Variants in SH3PXD2A observed in about 807,000 individuals in gnomAD.
SH3PXD2A encodes SH3 and PX domain-containing protein 2A.
Under a neutral mutation model 115.2 loss-of-function variants are expected in SH3PXD2A, and 32 were observed. The ratio of observed to expected loss-of-function variants is 0.28; its 90% CI spans 0.21 to 0.37. The LOEUF is 0.37. Among genes scored for constraint, SH3PXD2A ranks in the 10% least tolerant of loss-of-function variants. SH3PXD2A has a pLI of 1.00. For synonymous variants in SH3PXD2A, 610 were observed against 629.1 expected (o/e 0.97, Z 0.45); for missense variants, 1,328 against 1,498.7 (o/e 0.89, Z 1.88).
intron 4 of SH3PXD2A, among the ~76,000 whole-genome samples, chr10:103,730,050 AGACT>A (rs2038295764): frequency 6.6e-6 from 1 of 152,182 alleles, no homozygotes; most frequent in Non-Finnish European, 1.5e-5. Flanking sequence ...GGGCCCCGGC[AGACT>A]GTGCTCAGGC....
chr10:103,833,939 T>C (rs2039505895), intron 1 of SH3PXD2A, among the ~76,000 whole-genome samples: 1 of 152,154 alleles, frequency 6.6e-6, no homozygotes, highest in Admixed American at 6.5e-5. Flanking sequence ...TTTTTGTCTG[T>C]CTCTCCCCTC....
intron 5 of SH3PXD2A, among the ~76,000 whole-genome samples, chr10:103,709,314 C>G (rs1352497038): frequency 6.6e-6 from 1 of 152,164 alleles, no homozygotes; most frequent in African/African-American, 2.4e-5. Context: ...TGGTGCTAAT[C>G]CAGTTTCTCT....
chr10:103,808,260 T>C (rs984071939), intron 1 of SH3PXD2A, among the ~76,000 whole-genome samples: 1 of 148,170 alleles, frequency 6.7e-6, no homozygotes, highest in African/African-American at 2.5e-5. Flanking sequence ...TTTTTTTTCT[T>C]TTTTTTTTTG....
At chr10:103,829,065 T>A (rs1443595967) in intron 1 of SH3PXD2A, among the ~76,000 whole-genome samples, 2 of 152,218 alleles carry the variant, frequency 1.3e-5, no homozygotes, top group Non-Finnish European at 2.9e-5. Context: ...GCTGCTGGGT[T>A]CTTATTTTCT....
chr10:103,717,609 C>G (rs995567157), intron 5 of SH3PXD2A, among the ~76,000 whole-genome samples: 3 of 152,200 alleles, frequency 2.0e-5, no homozygotes, highest in African/African-American at 7.2e-5. Flanking sequence ...CTTTCTCCCA[C>G]CAGAACTGCA....
chr10:103,701,114 GCCATCCATCA>G (rs2037892164), intron 5 of SH3PXD2A, among the ~76,000 whole-genome samples: 1 of 55,776 alleles, frequency 1.8e-5, no homozygotes, highest in Non-Finnish European at 3.4e-5. Flanking sequence ...CTACCATCCA[GCCATCCATCA>G]TCCATCCATC....
At chr10:103,776,068 C>T (rs1335708835) in intron 2 of SH3PXD2A, among the ~76,000 whole-genome samples, 1 of 152,172 alleles carries the variant, frequency 6.6e-6, no homozygotes, top group Non-Finnish European at 1.5e-5. Flanking sequence ...TTATCTGGCT[C>T]ATGGCCCCTT....
At chr10:103,674,114 T>G (rs1248064156) in intron 6 of SH3PXD2A, among the ~76,000 whole-genome samples, 1 of 152,206 alleles carries the variant, frequency 6.6e-6, no homozygotes, top group Non-Finnish European at 1.5e-5. Context: ...AACTAAACTT[T>G]GTACAGGGCT....
intron 6 of SH3PXD2A, among the ~76,000 whole-genome samples, chr10:103,679,381 C>T (rs1254008486): frequency 3.3e-5 from 5 of 152,336 alleles, no homozygotes; most frequent in Non-Finnish European, 5.9e-5. Flanking sequence ...GAAGGAGCCA[C>T]CTCATCCCAG....
intron 2 of SH3PXD2A, among the ~76,000 whole-genome samples, chr10:103,796,826 G>A (rs2039094276): frequency 6.7e-6 from 1 of 150,308 alleles, no homozygotes; most frequent in African/African-American, 2.4e-5. Context: ...ACGTTTTTTA[G>A]TGTAAGTATA....
At chr10:103,678,477 C>T (rs766529612) in intron 6 of SH3PXD2A, among the ~76,000 whole-genome samples, 3 of 152,206 alleles carry the variant, frequency 2.0e-5, no homozygotes, top group Non-Finnish European at 4.4e-5. Context: ...CACAGCTCGG[C>T]GGCTCTGTCT....
chr10:103,727,568 G>A (rs1047478005), intron 4 of SH3PXD2A, among the ~76,000 whole-genome samples: 4 of 152,082 alleles, frequency 2.6e-5, no homozygotes, highest in African/African-American at 4.8e-5. Context: ...GGGTTTCAGC[G>A]GCCCACAGCA....
chr10:103,834,229 C>T (rs545024865), intron 1 of SH3PXD2A, among the ~76,000 whole-genome samples: 1 of 152,298 alleles, frequency 6.6e-6, no homozygotes, highest in Non-Finnish European at 1.5e-5. Context: ...TGGCTGTGTC[C>T]AGGACCCCTC....
chr10:103,651,960 T>G lies in SH3PXD2A; in HGVS notation c.604+9023A>C, dbSNP rs1001855056. Among the ~76,000 whole-genome samples the G allele has an allele frequency of 6.0e-4, 92 of 152,238 alleles. 2 individuals are homozygous for G. The highest frequency in any genetic ancestry group is 6.0e-3 in the Admixed American group (92 of 15,280). ...CCCGTCACAAGAGGAGAGAGGGATC[T>G]GCTATCGCACACCAGTCTCAAAACC... is the stretch of plus-strand genomic sequence containing the variant. On this transcript the variant is annotated intron_variant, in intron 8 of 14. Coordinates refer to ENST00000369774, the MANE Select transcript of SH3PXD2A (RefSeq NM_001394015.1).
chr10:103,820,525 GC>G (rs538789058), intron 1 of SH3PXD2A, among the ~76,000 whole-genome samples: 211 of 152,214 alleles, frequency 1.4e-3, no homozygotes, highest in Admixed American at 3.7e-3. Context: ...CTCCCCCAGT[GC>G]CCCCTCAAAG....
Position 103,694,935 on chromosome 10 carries a change from G to T in SH3PXD2A, c.399-1879C>A, listed in dbSNP as rs553303285. ...CCTTGCAGAAGGAAGACTGGGCAGAGACTGAGTCCTAGCTGTGCCCCCCAA... is the reference window on the plus strand; with the variant it reads ...CCTTGCAGAAGGAAGACTGGGCAGATACTGAGTCCTAGCTGTGCCCCCCAA... On this transcript the variant is annotated intron_variant, in intron 5 of 14. Transcript: ENST00000369774. Among the ~76,000 whole-genome samples the T allele has an allele frequency of 3.9e-5, 6 of 152,340 alleles. No homozygotes were observed. The East Asian group carries it at 1.2e-3, about 29-fold the overall frequency.
At chr10:103,766,681 G>A (rs968678074) in intron 3 of SH3PXD2A, among the ~76,000 whole-genome samples, 7 of 152,210 alleles carry the variant, frequency 4.6e-5, no homozygotes, top group African/African-American at 1.4e-4. Context: ...CATATAAGGT[G>A]ACGTGAGGAC....
rs547732892 is a variant in SH3PXD2A at position 103,844,823 on chromosome 10, T to C, written c.72+10372A>G. On this transcript the variant is annotated intron_variant, in intron 1 of 14. Transcript: ENST00000369774. ...GCCAGAGGTTATAAATCAAAGGCCA[T>C]GCAATGCCTGGCACAAAATGGGAAT... 5.3e-5 allele frequency among the ~76,000 whole-genome samples: 8 copies of C among 152,294 alleles called. No homozygotes were observed. In the East Asian group the frequency reaches 1.4e-3, roughly 26 times the overall value.
chr10:103,780,445 A>C (rs1285500083), intron 2 of SH3PXD2A, among the ~76,000 whole-genome samples: 1 of 152,214 alleles, frequency 6.6e-6, no homozygotes. Flanking sequence ...AAGCGGGCAG[A>C]GTTCAGCTCC....
Sources: gnomAD v4.1 joint callset for allele counts (sites outside exome capture counted in the v4.1 genomes callset) on GRCh38, gnomAD v4.1.1 for gene constraint, MANE v1.5 for transcripts, NCBI Gene and HGNC (gene_info 2026-07-23, HGNC 2026-07-21) for gene names.